The following C3orf33 variants were observed in gnomAD, a reference collection of about 807,000 sequenced individuals.
C3orf33 encodes the protein mitochondrial inner membrane subdomain organizer 1, also known as AP-1 activity suppressor.
Under a neutral mutation model 28.7 loss-of-function variants are expected in C3orf33, and 23 were observed. The observed-to-expected ratio is 0.80, with a 90% CI of 0.58 to 1.13. The LOEUF is 1.13. Ranked by LOEUF, C3orf33 falls within the 50% of genes most tolerant of loss-of-function variation. The pLI, the probability that C3orf33 is intolerant of heterozygous loss-of-function variation, is 0.00. For missense variants in C3orf33, 327 were observed against 353.4 expected (o/e 0.93, Z 0.60); for synonymous variants, 119 against 120.5 (o/e 0.99, Z 0.08).
In C3orf33 at chr3:155,775,773, G is replaced by T; in HGVS notation, c.250C>A (p.Arg84Ser). Reference sequence around the variant, plus strand: ...TCTAAACCATTCTCAGTTATTCGGCGTAATCGTCCACGTAGTTTAACATTT... The same window carrying T: ...TCTAAACCATTCTCAGTTATTCGGCTTAATCGTCCACGTAGTTTAACATTT... ...RRNVKLRGRL[R>S]RITENGLEIE... is the part of the protein sequence containing the mutation. The change falls in exon 3 of 5, where the codon CGC (arginine) becomes AGC (serine). Residue 84 changes from arginine (R) to serine (S), a missense_variant. Arg to Ser is a moderately radical substitution (Grantham distance 110, BLOSUM62 -1). Coordinates refer to ENST00000340171, the MANE Select transcript of C3orf33 (RefSeq NM_001308229.2). 6.3e-7 allele frequency: 1 copy of T among 1,593,294 alleles called. No individual in the cohort carries two copies. The highest frequency in any genetic ancestry group is 8.6e-7 in the Non-Finnish European group (1 of 1,162,916).
intron 2 of C3orf33, among the ~76,000 whole-genome samples, chr3:155,799,830 C>T (rs1751588829): frequency 6.6e-6 from 1 of 152,112 alleles, no homozygotes. Flanking sequence ...ACAAACTTTG[C>T]ATGTTCTCAC....
chr3:155,780,897 T>C (rs1044286885), intron 2 of C3orf33, among the ~76,000 whole-genome samples: 1 of 152,160 alleles, frequency 6.6e-6, no homozygotes, highest in Admixed American at 6.5e-5. Flanking sequence ...ACAAAAGGCA[T>C]CCTATGCAAT....
At chr3:155,805,459 C>CA (rs1217497064) in intron 1 of C3orf33, 33 of 366,016 alleles carry the variant, frequency 9.0e-5, no homozygotes, top group Middle Eastern at 1.0e-3. Context: ...GACCCTGTCT[C>CA]AAAAAAAAGA....
At chr3:155,787,958 G>A (rs1003984940) in intron 2 of C3orf33, among the ~76,000 whole-genome samples, 12 of 152,066 alleles carry the variant, frequency 7.9e-5, no homozygotes, top group Admixed American at 6.5e-5. Context: ...TTGGGAGGCC[G>A]AGGCGGGCGG....
At chr3:155,771,210 A>G (rs1448655617) in intron 3 of C3orf33, among the ~76,000 whole-genome samples, 7 of 151,906 alleles carry the variant, frequency 4.6e-5, no homozygotes, top group Non-Finnish European at 1.0e-4. Flanking sequence ...GGCTCAAGCG[A>G]TCCTCCCATA....
At chr3:155,794,886 C>A (rs1157617340) in intron 2 of C3orf33, among the ~76,000 whole-genome samples, 2 of 152,076 alleles carry the variant, frequency 1.3e-5, no homozygotes, top group African/African-American at 4.8e-5. Context: ...ATGCAGCCAA[C>A]ACTGCAGCAC....
intron 2 of C3orf33, among the ~76,000 whole-genome samples, chr3:155,786,673 A>G (rs1751126375): frequency 6.6e-6 from 1 of 151,346 alleles, no homozygotes; most frequent in Non-Finnish European, 1.5e-5. Flanking sequence ...CTAAAAATAC[A>G]AAAAAAAATT....
At chr3:155,805,406 C>T (rs6764439) in intron 1 of C3orf33, among the ~76,000 whole-genome samples, 116,714 of 151,926 alleles carry the variant, frequency 0.77, 45,127 homozygotes, top group Middle Eastern at 0.84. Flanking sequence ...GAGACTGCAA[C>T]GAGACATAAT....
intron 2 of C3orf33, among the ~76,000 whole-genome samples, chr3:155,778,021 G>A (rs755930661): frequency 1.2e-3 from 175 of 151,368 alleles, no homozygotes; most frequent in Non-Finnish European, 2.3e-3. Context: ...ATGGTGGTGC[G>A]TACTTGTAGT....
chr3:155,772,048 AC>A (rs1336552535), intron 3 of C3orf33, among the ~76,000 whole-genome samples: 3 of 152,264 alleles, frequency 2.0e-5, no homozygotes, highest in African/African-American at 7.2e-5. Flanking sequence ...TACAAAAAAA[AC>A]TTAAAAATTA....
rs559094748 is a variant in C3orf33, at chr3:155,771,450, C to T, written c.323-3781G>A. On this transcript the variant is annotated intron_variant, in intron 3 of 4. Coordinates refer to ENST00000340171, the MANE Select transcript of C3orf33 (RefSeq NM_001308229.2). ...GCCTGCATCACCACACTCAGCTAAT[C>T]TTTGTATTTTTTGTAGAGACAGGGT... 4.6e-5 allele frequency among the ~76,000 whole-genome samples: 7 copies of T among 152,080 alleles called. No homozygotes were observed. The South Asian group carries it at 1.5e-3, about 32-fold the overall frequency.
intron 2 of C3orf33, among the ~76,000 whole-genome samples, chr3:155,795,391 G>A (rs1393600234): frequency 6.6e-6 from 1 of 152,076 alleles, no homozygotes; most frequent in Non-Finnish European, 1.5e-5. Flanking sequence ...AGGAGGCGGA[G>A]GTTGGAGTGA....
At chr3:155,773,183 C>G (rs1750643043) in intron 3 of C3orf33, among the ~76,000 whole-genome samples, 1 of 152,178 alleles carries the variant, frequency 6.6e-6, no homozygotes, top group Non-Finnish European at 1.5e-5. Flanking sequence ...AGACTATGCT[C>G]TAGCAACTTA....
chr3:155,797,024 C>T lies in C3orf33; in HGVS notation c.174+5508G>A, dbSNP rs142035865. On this transcript the variant is annotated intron_variant, in intron 2 of 4. Coordinates refer to ENST00000340171, the MANE Select transcript of C3orf33 (RefSeq NM_001308229.2). Reference sequence around the variant, plus strand: ...TGGTCAACATGGCAAAACCCCGCCTCTACTAAAAATACAAAAATTAGCCAG... The same window carrying T: ...TGGTCAACATGGCAAAACCCCGCCTTTACTAAAAATACAAAAATTAGCCAG... Among the ~76,000 whole-genome samples, 717 of 152,234 alleles carry T rather than the reference C, an allele frequency of 4.7e-3. 5 individuals carry two copies. The highest frequency in any genetic ancestry group is 0.016 in the African/African-American group (681 of 41,550).
At chr3:155,780,951 C>T (rs1479404421) in intron 2 of C3orf33, among the ~76,000 whole-genome samples, 1 of 151,586 alleles carries the variant, frequency 6.6e-6, no homozygotes, top group African/African-American at 2.4e-5. Context: ...CCTTATGTCA[C>T]TGAGGCAAGG....
chr3:155,796,404 T>C (rs1408240959), intron 2 of C3orf33, among the ~76,000 whole-genome samples: 1 of 152,002 alleles, frequency 6.6e-6, no homozygotes, highest in Non-Finnish European at 1.5e-5. Context: ...CCTAGAGAAA[T>C]AGATAATTCC....
At chr3:155,775,608 G>T in intron 3 of C3orf33, 93 bp downstream of exon 3, 1 of 822,404 alleles carries the variant, frequency 1.2e-6, no homozygotes, top group Non-Finnish European at 1.8e-6. Flanking sequence ...GAGTTATTAG[G>T]AATTAAAATG....
intron 2 of C3orf33, among the ~76,000 whole-genome samples, chr3:155,797,668 A>C (rs760222288): frequency 3.9e-4 from 59 of 152,356 alleles, no homozygotes; most frequent in Non-Finnish European, 3.8e-4. Flanking sequence ...AACAGTGAAC[A>C]ATCTGAAAAA....
chr3:155,788,480 C>T (rs543600603), intron 2 of C3orf33, among the ~76,000 whole-genome samples: 7 of 151,674 alleles, frequency 4.6e-5, no homozygotes, highest in Admixed American at 4.6e-4. Context: ...GTCAAGAGAT[C>T]GAGACCATCC....
Sources: allele counts gnomAD v4.1 joint callset (sites outside exome capture counted in the v4.1 genomes callset), GRCh38; gene constraint gnomAD v4.1.1; transcripts MANE v1.5; gene names NCBI Gene and HGNC (gene_info 2026-07-23, HGNC 2026-07-21).